Variants in USP31 observed in about 807,000 individuals in gnomAD.
USP31 encodes ubiquitin specific peptidase 31.
In USP31, 44 loss-of-function variants were observed where a neutral mutation model predicts 119.4. The observed-to-expected ratio is 0.37, with a 90% confidence interval of 0.29 to 0.47. The LOEUF (loss-of-function observed/expected upper bound fraction) is 0.47. Ranked by LOEUF, USP31 falls within the 20% of genes least tolerant of loss-of-function variation. The pLI, the probability that USP31 is intolerant of heterozygous loss-of-function variation, is 0.99. For synonymous variants in USP31, 749 were observed against 705.6 expected (o/e 1.06, Z -0.97); for missense variants, 1,643 against 1,730.2 (o/e 0.95, Z 0.89).
intron 1 of USP31, among the ~76,000 whole-genome samples, chr16:23,121,059 T>C (rs1207269059): frequency 1.3e-5 from 2 of 152,216 alleles, no homozygotes; most frequent in South Asian, 2.1e-4. Flanking sequence ...GGAAATAACC[T>C]TGCATTGACT....
At chr16:23,119,040 T>G (rs532644651) in intron 1 of USP31, among the ~76,000 whole-genome samples, 1 of 151,804 alleles carries the variant, frequency 6.6e-6, no homozygotes, top group Admixed American at 6.6e-5. Flanking sequence ...TTCTTATTTA[T>G]AGATGAAAAA....
rs573017561 is a variant in USP31, at chr16:23,132,240, A to C, written c.633+16398T>G. On this transcript the variant is annotated intron_variant, in intron 1 of 15. Coordinates refer to ENST00000219689, the MANE Select transcript of USP31 (RefSeq NM_020718.4). ...AATGAACAATTAATTAGCAGAGCAA[A>C]CAATAATATTTTTGAAGGAAGAAGC... Among the ~76,000 whole-genome samples, 772 of 152,360 alleles carry C rather than the reference A, an allele frequency of 5.1e-3. 4 individuals carry two copies. Among genetic ancestry groups the C allele is most frequent in the Middle Eastern group, 0.014 (4 of 294 alleles).
At chr16:23,077,564 C>A (rs1343357481) in intron 13 of USP31, among the ~76,000 whole-genome samples, 35 of 152,120 alleles carry the variant, frequency 2.3e-4, no homozygotes, top group Admixed American at 2.2e-3. Context: ...CCAGGATTGG[C>A]CAGACCCCAC....
chr16:23,087,218 A>C (rs1042339939), intron 8 of USP31, 32 bp from the exon 9 acceptor site: 2 of 1,597,180 alleles, frequency 1.3e-6, no homozygotes, highest in African/African-American at 2.7e-5. Context: ...AATTAAGCCA[A>C]ATTTTTCTTC....
Position 23,066,854 on chromosome 16 carries a change from T to C in USP31, c.*1192A>G, listed in dbSNP as rs1469027397. The C allele has an allele frequency of 6.6e-6, 1 of 152,070 alleles. No individual in the cohort carries two copies. Among genetic ancestry groups the C allele is most frequent in the African/African-American group, 2.4e-5 (1 of 41,382 alleles). The allele number at this position is 152,070 out of a possible 1,614,324, so 9.4% of individuals were successfully genotyped here. A position where few individuals can be genotyped will look rare whatever the true frequency, so the allele number is the denominator to read the frequency against. ...CTGCTTGTGAGTTCTGGGCATGAGA[T>C]GAAATCTTAAGAACAAAGAAGAAAT... On this transcript the variant is annotated 3_prime_UTR_variant, in exon 16 of 16. Coordinates refer to ENST00000219689, the MANE Select transcript of USP31 (RefSeq NM_020718.4).
intron 1 of USP31, among the ~76,000 whole-genome samples, chr16:23,118,997 TA>T (rs1003967441): frequency 7.2e-5 from 11 of 151,798 alleles, no homozygotes; most frequent in Non-Finnish European, 1.5e-4. Flanking sequence ...ATAAAATAAA[TA>T]AATTCACCCT....
chr16:23,079,846 C>G (rs898000515), intron 13 of USP31, 100 bp downstream of exon 13: 12 of 1,148,604 alleles, frequency 1.0e-5, no homozygotes, highest in Middle Eastern at 2.3e-4. Context: ...ACACTGCCTA[C>G]CGGAGGGGAA....
intron 13 of USP31, among the ~76,000 whole-genome samples, chr16:23,074,186 A>G (rs1567225687): frequency 6.6e-6 from 1 of 152,066 alleles, no homozygotes; most frequent in Non-Finnish European, 1.5e-5. Flanking sequence ...GGGATTTGGC[A>G]ATGAATGGAG....
intron 4 of USP31, 46 bp from the exon 5 acceptor site, chr16:23,105,622 C>T: frequency 6.7e-7 from 1 of 1,481,754 alleles, no homozygotes; most frequent in African/African-American, 1.4e-5. Flanking sequence ...CTTATTTCAA[C>T]TAAAATATAG....
At chr16:23,116,227 AAAAC>A (rs950048836) in intron 1 of USP31, among the ~76,000 whole-genome samples, 20 of 152,160 alleles carry the variant, frequency 1.3e-4, no homozygotes, top group African/African-American at 4.8e-4. Flanking sequence ...ACAAACAAAA[AAAAC>A]AGAAGAACTC....
chr16:23,118,729 G>A (rs1159140190), intron 1 of USP31, among the ~76,000 whole-genome samples: 1 of 152,170 alleles, frequency 6.6e-6, no homozygotes, highest in Non-Finnish European at 1.5e-5. Flanking sequence ...GGTGCAAAGG[G>A]TAACAATAAC....
Position 23,068,372 on chromosome 16 carries a change from C to G in USP31, c.3733G>C (p.Gly1245Arg). ...QKETRRSTDL[G>R]KTALLSKKAG... ...TTTTTAGAGAGCAAGGCTGTCTTGC[C>G]AAGATCCGTCGAGCGCCGGGTTTCC... The change falls in exon 16 of 16, where the codon GGC becomes CGC. Residue 1245 changes from glycine to arginine, a missense_variant. Physicochemically the swap from Gly to Arg is moderately radical, Grantham distance 125. Transcript: ENST00000219689. 2 of 1,614,156 alleles carry G rather than the reference C, an allele frequency of 1.2e-6. No homozygotes were observed. The highest frequency in any genetic ancestry group is 1.7e-6 in the Non-Finnish European group (2 of 1,180,046).
chr16:23,142,553 GCAGGGGTACA>G (rs1370132748), intron 1 of USP31, among the ~76,000 whole-genome samples: 1 of 152,220 alleles, frequency 6.6e-6, no homozygotes, highest in African/African-American at 2.4e-5. Context: ...CACCAGCAGT[GCAGGGGTACA>G]CAGAGTTCAC....
chr16:23,093,052 C>T (rs1413690827), intron 6 of USP31, among the ~76,000 whole-genome samples: 2 of 152,076 alleles, frequency 1.3e-5, no homozygotes, highest in Admixed American at 1.3e-4. Context: ...GTATCAACAA[C>T]CTAAATGTAA....
At chr16:23,073,611 T>C in intron 14 of USP31, 111 bp downstream of exon 14, 1 of 1,300,410 alleles carries the variant, frequency 7.7e-7, no homozygotes. Context: ...ACGTAAGGAT[T>C]CATCTGATCA....
At chr16:23,144,654 A>G (rs1050553476) in intron 1 of USP31, among the ~76,000 whole-genome samples, 1 of 151,418 alleles carries the variant, frequency 6.6e-6, no homozygotes, top group African/African-American at 2.4e-5. Flanking sequence ...TACTTTTTGT[A>G]TTTTTTTAGT....
In USP31 at chr16:23,143,588, G is replaced by C. The variant is rs115454663; in HGVS notation, c.633+5050C>G. Among the ~76,000 whole-genome samples the C allele has an allele frequency of 1.6e-4, 24 of 151,106 alleles. No individual in the cohort carries two copies. In the South Asian group the frequency reaches 1.7e-3, roughly 11 times the overall value. ...GGAGAAAGAGAGAGGGAGAGGTTGG[G>C]GGGGGGGAGAGAGAGAGAAAGAGAG... On this transcript the variant is annotated intron_variant, in intron 1 of 15. Transcript: ENST00000219689.
intron 9 of USP31, 92 bp from the exon 10 acceptor site, chr16:23,085,754 A>T: frequency 8.9e-7 from 1 of 1,124,392 alleles, no homozygotes; most frequent in Non-Finnish European, 1.3e-6. Context: ...CCAAAATCAT[A>T]ATTTCAGGTG....
At chr16:23,087,066 G>A in intron 9 of USP31, 26 bp downstream of exon 9, 1 of 1,564,248 alleles carries the variant, frequency 6.4e-7, no homozygotes, top group East Asian at 2.3e-5. Flanking sequence ...ATTCTAAAAG[G>A]TAATTTAAAA....
Sources: allele counts gnomAD v4.1 joint callset (sites outside exome capture counted in the v4.1 genomes callset), GRCh38; gene constraint gnomAD v4.1.1; transcripts MANE v1.5; gene names NCBI Gene and HGNC (gene_info 2026-07-23, HGNC 2026-07-21).